CNTN4: variants seen among roughly 807,000 people sequenced by gnomAD.
CNTN4 encodes the protein contactin 4, also known as contactin-4.
Under a neutral mutation model 122.5 loss-of-function variants are expected in CNTN4, and 77 were observed. The observed-to-expected ratio is 0.63, with a 90% CI of 0.52 to 0.76. The LOEUF (loss-of-function observed/expected upper bound fraction) is 0.76. Ranked by LOEUF, CNTN4 falls within the 30% of genes least tolerant of loss-of-function variation. The probability of loss-of-function intolerance (pLI) is 0.00; values close to 1 mark genes in which losing one functional copy is unlikely to be tolerated. For synonymous variants in CNTN4, 512 were observed against 447.0 expected (o/e 1.15, Z -1.83); for missense variants, 1,256 against 1,259.1 (o/e 1.00, Z 0.04).
chr3:2,246,948 T>C (rs1363583538), intron 2 of CNTN4, among the ~76,000 whole-genome samples: 1 of 152,000 alleles, frequency 6.6e-6, no homozygotes, highest in Non-Finnish European at 1.5e-5. Context: ...AGTGCAAACA[T>C]ACACATAGAG....
chr3:3,042,573 T>C lies in CNTN4; in HGVS notation c.2511+151T>C. ...TCCAGCTGAACATTAATGGAAGCAT[T>C]GAATACTCAGCTGTGAGACTACCCT... On this transcript the variant is annotated intron_variant, in intron 21 of 24. Transcript: ENST00000418658. 8.8e-6 allele frequency: 6 copies of C among 685,578 alleles called. No homozygotes were observed. The Admixed American group carries it at 1.3e-4, about 15-fold the overall frequency. The allele number at this position is 685,578 out of a possible 1,614,324, so 42.5% of individuals were successfully genotyped here.
At chr3:2,925,538 CTG>C in intron 12 of CNTN4, 89 bp from the exon 13 acceptor site, 1 of 1,406,044 alleles carries the variant, frequency 7.1e-7, no homozygotes, top group South Asian at 1.2e-5. Flanking sequence ...GAGCAAGACT[CTG>C]TCTCAAAAAA....
At chr3:2,264,850 CTA>C (rs1238751752) in intron 2 of CNTN4, among the ~76,000 whole-genome samples, 1 of 152,014 alleles carries the variant, frequency 6.6e-6, no homozygotes, top group African/African-American at 2.4e-5. Flanking sequence ...TTTCCCAACA[CTA>C]TTTTTTAAAT....
chr3:2,434,789 G>T (rs531109377), intron 3 of CNTN4, among the ~76,000 whole-genome samples: 25 of 152,128 alleles, frequency 1.6e-4, no homozygotes, highest in Admixed American at 1.4e-3. Flanking sequence ...TTTCTTCCAC[G>T]AAGGCAATAT....
intron 14 of CNTN4, among the ~76,000 whole-genome samples, chr3:3,014,081 CACACA>C (rs752400422): frequency 5.3e-5 from 8 of 151,954 alleles, no homozygotes; most frequent in South Asian, 2.1e-4. Context: ...CACACACACA[CACACA>C]CCCCTAGGGG....
At chr3:2,194,061 T>C (rs1575053805) in intron 2 of CNTN4, among the ~76,000 whole-genome samples, 1 of 152,122 alleles carries the variant, frequency 6.6e-6, no homozygotes, top group African/African-American at 2.4e-5. Flanking sequence ...TATGGGTACA[T>C]AAAAAAATGT....
chr3:2,100,131 GGTCTGCGTGGA>G (rs1335515484), intron 1 of CNTN4, among the ~76,000 whole-genome samples: 1 of 152,180 alleles, frequency 6.6e-6, no homozygotes, highest in Non-Finnish European at 1.5e-5. Flanking sequence ...CTGGGTGTGT[GGTCTGCGTGGA>G]GGAGAGTGGG....
intron 2 of CNTN4, among the ~76,000 whole-genome samples, chr3:2,332,696 T>G (rs898387553): frequency 4.9e-5 from 6 of 122,192 alleles, no homozygotes; most frequent in Admixed American, 1.0e-4. Context: ...ACAGGAAGGG[T>G]AACATCACAC....
intron 7 of CNTN4, among the ~76,000 whole-genome samples, chr3:2,864,616 G>A (rs2093703801): frequency 6.6e-6 from 1 of 151,600 alleles, no homozygotes; most frequent in African/African-American, 2.4e-5. Flanking sequence ...GTGGGCACCT[G>A]TAGTCCCAGC....
intron 4 of CNTN4, among the ~76,000 whole-genome samples, chr3:2,604,322 A>T (rs1214100258): frequency 6.6e-6 from 1 of 152,142 alleles, no homozygotes; most frequent in Non-Finnish European, 1.5e-5. Context: ...TGTGTATCCT[A>T]GTCACCAGAG....
At chr3:2,666,814 C>T (rs961860636) in intron 4 of CNTN4, among the ~76,000 whole-genome samples, 1 of 142,524 alleles carries the variant, frequency 7.0e-6, no homozygotes. Flanking sequence ...TTGTTCAATT[C>T]CCACCTATGA....
intron 3 of CNTN4, among the ~76,000 whole-genome samples, chr3:2,454,921 A>G (rs1322536570): frequency 6.6e-6 from 1 of 152,174 alleles, no homozygotes; most frequent in Non-Finnish European, 1.5e-5. Flanking sequence ...TAATTTAGAG[A>G]TATCATAATA....
intron 3 of CNTN4, among the ~76,000 whole-genome samples, chr3:2,416,971 A>G (rs1213270733): frequency 1.3e-5 from 2 of 152,046 alleles, no homozygotes; most frequent in African/African-American, 4.8e-5. Context: ...GCAACTTTCT[A>G]TGGTATAAGA....
intron 4 of CNTN4, among the ~76,000 whole-genome samples, chr3:2,598,580 A>G (rs919207437): frequency 1.5e-4 from 23 of 152,202 alleles, no homozygotes; most frequent in Admixed American, 1.4e-3. Context: ...TTGAACTGCA[A>G]TAAAGCCAGT....
At chr3:2,279,676 C>A (rs573369213) in intron 2 of CNTN4, among the ~76,000 whole-genome samples, 1 of 151,830 alleles carries the variant, frequency 6.6e-6, no homozygotes, top group East Asian at 1.9e-4. Flanking sequence ...GTTTTTGTAA[C>A]CCAAAATATG....
chr3:2,927,404 T>C (rs1410265302), intron 13 of CNTN4: 4 of 444,776 alleles, frequency 9.0e-6, no homozygotes, highest in East Asian at 7.0e-5. Context: ...CAAACATGCA[T>C]GGGTTCTTAA....
At chr3:2,424,220 T>G (rs1575599563) in intron 3 of CNTN4, among the ~76,000 whole-genome samples, 3 of 68,832 alleles carry the variant, frequency 4.4e-5, no homozygotes, top group East Asian at 5.3e-4. Context: ...CCCCCCTCCC[T>G]CCACCCTACA....
At chr3:2,544,630 C>T (rs891807446) in intron 3 of CNTN4, among the ~76,000 whole-genome samples, 2 of 152,012 alleles carry the variant, frequency 1.3e-5, no homozygotes, top group African/African-American at 4.8e-5. Context: ...TTATCCATTT[C>T]TTCTAGATTT....
At chr3:2,450,044 CA>C (rs1469008686) in intron 3 of CNTN4, among the ~76,000 whole-genome samples, 1 of 152,058 alleles carries the variant, frequency 6.6e-6, no homozygotes, top group African/African-American at 2.4e-5. Context: ...TTATAGTTAA[CA>C]GTACTGTATT....
Sources: gnomAD v4.1 joint callset for allele counts (sites outside exome capture counted in the v4.1 genomes callset) on GRCh38, gnomAD v4.1.1 for gene constraint, MANE v1.5 for transcripts, NCBI Gene and HGNC (gene_info 2026-07-23, HGNC 2026-07-21) for gene names.